The following SNX8 variants were observed in gnomAD, a reference collection of about 807,000 sequenced individuals.
SNX8 encodes the protein sorting nexin 8.
Under a neutral mutation model 51.6 loss-of-function variants are expected in SNX8, and 25 were observed. The ratio of observed to expected loss-of-function variants is 0.48; its 90% CI spans 0.35 to 0.68. The LOEUF is 0.68. Ranked by LOEUF, SNX8 falls within the 30% of genes least tolerant of loss-of-function variation. The pLI, the probability that SNX8 is intolerant of heterozygous loss-of-function variation, is 0.00. For synonymous variants in SNX8, 324 were observed against 277.0 expected (o/e 1.17, Z -1.68); for missense variants, 695 against 624.0 (o/e 1.11, Z -1.21).
At position 2,304,561 on chromosome 7, in the gene SNX8, C is replaced by T. The variant is rs1021889299; in HGVS notation, c.94+9767G>A. Among the ~76,000 whole-genome samples the T allele has an allele frequency of 3.3e-5, 5 of 152,082 alleles. No individual in the cohort carries two copies. The South Asian group carries it at 8.3e-4, about 25-fold the overall frequency. On this transcript the variant is annotated intron_variant, in intron 1 of 10. Coordinates refer to ENST00000222990, the MANE Select transcript of SNX8 (RefSeq NM_013321.4). ...TCCATCTCAAAAAAAAAAAAAATTC[C>T]ATCTCCCCAAGGACAGGGGCAGATG...
chr7:2,259,444 C>G (rs1345478509), intron 7 of SNX8, among the ~76,000 whole-genome samples: 1 of 152,194 alleles, frequency 6.6e-6, no homozygotes, highest in Non-Finnish European at 1.5e-5. Context: ...ACGCACTGCA[C>G]GTCAAGCTCA....
At chr7:2,319,446 G>A (rs1266024637) in intron 1 of SNX8, among the ~76,000 whole-genome samples, 1 of 150,586 alleles carries the variant, frequency 6.6e-6, no homozygotes, top group African/African-American at 2.4e-5. Flanking sequence ...CATCACCTGA[G>A]GTCAGAAGTT....
intron 1 of SNX8, among the ~76,000 whole-genome samples, chr7:2,299,932 C>T (rs1796355415): frequency 6.6e-6 from 1 of 152,128 alleles, no homozygotes; most frequent in African/African-American, 2.4e-5. Flanking sequence ...TTTCAGCAAA[C>T]CTTGATTGAT....
chr7:2,271,497 TG>T (rs1795643297), intron 4 of SNX8, among the ~76,000 whole-genome samples: 1 of 152,210 alleles, frequency 6.6e-6, no homozygotes, highest in Non-Finnish European at 1.5e-5. Flanking sequence ...TGTGTTCCAG[TG>T]GTCCTTAGTC....
chr7:2,256,418 G>C lies in SNX8; in HGVS notation c.1284+456C>G, dbSNP rs531287646. On this transcript the variant is annotated intron_variant, in intron 10 of 10. Coordinates refer to ENST00000222990, the MANE Select transcript of SNX8 (RefSeq NM_013321.4). ...CGGTGCTGCAGTGAGCTGGCCACCA[G>C]AAATCAACGGAGGCCTGTCCCAGGA... Among the ~76,000 whole-genome samples the C allele has an allele frequency of 5.2e-5, 8 of 152,384 alleles. No individual in the cohort carries two copies. In the South Asian group the frequency reaches 1.7e-3, roughly 32 times the overall value.
chr7:2,342,933 C>T (rs36025771), intron 1 of SNX8, among the ~76,000 whole-genome samples: 1 of 151,830 alleles, frequency 6.6e-6, no homozygotes, highest in Non-Finnish European at 1.5e-5. Flanking sequence ...CACAATTCTC[C>T]TGCCTCAGGC....
chr7:2,339,380 T>G (rs1778883451), intron 1 of SNX8, among the ~76,000 whole-genome samples: 1 of 151,912 alleles, frequency 6.6e-6, no homozygotes, highest in South Asian at 2.1e-4. Flanking sequence ...TAATTTTTTT[T>G]TTTTAATTTT....
Position 2,256,896 on chromosome 7 carries a change from G to A in SNX8, c.1262C>T (p.Ser421Phe), listed in dbSNP as rs767653352. Residue 421 changes from serine to phenylalanine, a missense_variant, in exon 10 of 11, where the codon TCT (serine) becomes TTT (phenylalanine). Coordinates refer to ENST00000222990, the MANE Select transcript of SNX8 (RefSeq NM_013321.4). ...CACCTCCTTGTGCCCTTGGATCTGA[G>A]AGTTGACGAAGGCGCGGAGGATGTG... is the stretch of plus-strand genomic sequence containing the variant. ...TSHILRAFVN[S>F]QIQGHKEMSK... The A allele has an allele frequency of 1.2e-4, 200 of 1,613,260 alleles. No homozygotes were observed. The highest frequency in any genetic ancestry group is 1.6e-4 in the Non-Finnish European group (189 of 1,179,754).
chr7:2,286,522 ATT>A (rs767398836), intron 1 of SNX8, among the ~76,000 whole-genome samples: 3 of 71,926 alleles, frequency 4.2e-5, no homozygotes, highest in Admixed American at 1.8e-4. Context: ...CTATTTTATA[ATT>A]TTTTTTTTTT....
intron 1 of SNX8, among the ~76,000 whole-genome samples, chr7:2,332,346 A>G (rs1664463006): frequency 6.6e-6 from 1 of 152,086 alleles, no homozygotes; most frequent in African/African-American, 2.4e-5. Flanking sequence ...AAATGAATCT[A>G]TATCCTCAGT....
chr7:2,279,635 G>T (rs1795865101), intron 1 of SNX8, among the ~76,000 whole-genome samples: 1 of 151,820 alleles, frequency 6.6e-6, no homozygotes, highest in Non-Finnish European at 1.5e-5. Context: ...GGCTAATTTT[G>T]CAGTCCCAGC....
At chr7:2,301,141 G>A (rs1328115793) in intron 1 of SNX8, among the ~76,000 whole-genome samples, 1 of 152,162 alleles carries the variant, frequency 6.6e-6, no homozygotes, top group Non-Finnish European at 1.5e-5. Context: ...TATGAGAAAG[G>A]TCTGTGCAAC....
chr7:2,354,007 C>A (rs762058426), intron 1 of SNX8: 12 of 152,366 alleles, frequency 7.9e-5, no homozygotes, highest in African/African-American at 2.7e-4. Context: ...CCCGTGAGCA[C>A]CCGCGCAGAG....
chr7:2,310,237 G>A (rs566075506), intron 1 of SNX8, among the ~76,000 whole-genome samples: 25 of 152,226 alleles, frequency 1.6e-4, no homozygotes, highest in Admixed American at 1.3e-3. Context: ...TGAGCTTCAT[G>A]ACCTAAGAAC....
At chr7:2,266,157 A>C (rs1053338057) in intron 5 of SNX8, among the ~76,000 whole-genome samples, 4 of 152,126 alleles carry the variant, frequency 2.6e-5, no homozygotes, top group East Asian at 1.9e-4. Flanking sequence ...TTGTATGAAG[A>C]AGCAGGTTTT....
intron 1 of SNX8, among the ~76,000 whole-genome samples, chr7:2,335,831 C>A (rs1005565585): frequency 2.1e-4 from 30 of 141,950 alleles, no homozygotes; most frequent in African/African-American, 5.0e-4. Context: ...AAAAAAAATT[C>A]TACAGTAGGC....
chr7:2,342,667 A>G (rs1391587472), intron 1 of SNX8, among the ~76,000 whole-genome samples: 1 of 151,908 alleles, frequency 6.6e-6, no homozygotes, highest in Non-Finnish European at 1.5e-5. Flanking sequence ...AAAAAAAAAA[A>G]AGGATAGAAT....
At chr7:2,286,445 G>C (rs1796030191) in intron 1 of SNX8, among the ~76,000 whole-genome samples, 1 of 150,732 alleles carries the variant, frequency 6.6e-6, no homozygotes, top group Non-Finnish European at 1.5e-5. Context: ...CCTACAACCT[G>C]TACACATCTA....
intron 1 of SNX8, among the ~76,000 whole-genome samples, chr7:2,342,686 A>G (rs938796050): frequency 3.3e-5 from 5 of 151,990 alleles, no homozygotes; most frequent in African/African-American, 1.2e-4. Context: ...ATTACAGTGC[A>G]TGACAAAAGT....
Sources: gnomAD v4.1 joint callset for allele counts (sites outside exome capture counted in the v4.1 genomes callset) on GRCh38, gnomAD v4.1.1 for gene constraint, MANE v1.5 for transcripts, NCBI Gene and HGNC (gene_info 2026-07-23, HGNC 2026-07-21) for gene names.